The following CDC73 variants were observed in gnomAD, a reference collection of about 807,000 sequenced individuals.
CDC73 encodes cell division cycle 73, also known as parafibromin.
A neutral mutation model predicts 83.7 loss-of-function variants in CDC73; 21 were observed. The observed-to-expected ratio is 0.25, with a 90% CI of 0.18 to 0.36. The LOEUF (loss-of-function observed/expected upper bound fraction) is 0.36. CDC73 is among the 10% of genes least tolerant of loss of function. CDC73 has a pLI of 1.00. For missense variants in CDC73, 342 were observed against 653.3 expected, an observed-to-expected ratio of 0.52 and a Z score of 5.19; for synonymous variants, 224 against 212.9, an observed-to-expected ratio of 1.05 and a Z score of -0.45.
chr1:193,191,600 G>A (rs539930741), intron 10 of CDC73, among the ~76,000 whole-genome samples: 2 of 152,038 alleles, frequency 1.3e-5, no homozygotes, highest in African/African-American at 4.8e-5. Flanking sequence ...GTTGCAGGCT[G>A]GTCTCAAACT....
chr1:193,184,428 A>C (rs1676771092), intron 10 of CDC73, among the ~76,000 whole-genome samples: 1 of 151,950 alleles, frequency 6.6e-6, no homozygotes, highest in Non-Finnish European at 1.5e-5. Flanking sequence ...ATAGTTCTGC[A>C]CTTTTACATT....
At chr1:193,193,749 C>T (rs533897540) in intron 10 of CDC73, among the ~76,000 whole-genome samples, 12 of 148,950 alleles carry the variant, frequency 8.1e-5, no homozygotes, top group Non-Finnish European at 1.5e-4. Flanking sequence ...GAATTTATAA[C>T]GTTCCAGAAC....
At chr1:193,200,048 G>A (rs929700646) in intron 10 of CDC73, among the ~76,000 whole-genome samples, 4 of 141,096 alleles carry the variant, frequency 2.8e-5, no homozygotes, top group African/African-American at 5.4e-5. Context: ...GCAACATGGC[G>A]AAACCCTGTC....
intron 15 of CDC73, among the ~76,000 whole-genome samples, chr1:193,237,604 C>T (rs938434142): frequency 5.9e-5 from 9 of 151,912 alleles, no homozygotes; most frequent in African/African-American, 1.9e-4. Flanking sequence ...GTAGGGGTGG[C>T]GGGTTGGAGG....
At chr1:193,166,264 C>G (rs1676432734) in intron 10 of CDC73, among the ~76,000 whole-genome samples, 1 of 152,006 alleles carries the variant, frequency 6.6e-6, no homozygotes, top group African/African-American at 2.4e-5. Context: ...ATTTCCTGGG[C>G]TCAATCACTG....
chr1:193,188,980 G>A (rs1460139198), intron 10 of CDC73, among the ~76,000 whole-genome samples: 1 of 148,932 alleles, frequency 6.7e-6, no homozygotes, highest in Non-Finnish European at 1.5e-5. Context: ...TGGAGACAGA[G>A]TTTTGCTCTA....
intron 10 of CDC73, among the ~76,000 whole-genome samples, chr1:193,193,726 A>G (rs969040603): frequency 5.8e-4 from 87 of 150,396 alleles, no homozygotes; most frequent in African/African-American, 2.1e-3. Context: ...CACAGAATTT[A>G]TTACTGTCTC....
chr1:193,171,502 T>C (rs1676517878), intron 10 of CDC73, among the ~76,000 whole-genome samples: 1 of 152,186 alleles, frequency 6.6e-6, no homozygotes, highest in Admixed American at 6.5e-5. Flanking sequence ...CCTGATTGTT[T>C]GCTGGATGTA....
intron 10 of CDC73, among the ~76,000 whole-genome samples, chr1:193,185,337 A>G (rs1676787117): frequency 6.6e-6 from 1 of 152,066 alleles, no homozygotes; most frequent in Non-Finnish European, 1.5e-5. Context: ...ATTCATGGTC[A>G]CTATAATAAC....
chr1:193,177,544 A>G (rs1676630367), intron 10 of CDC73, among the ~76,000 whole-genome samples: 1 of 151,284 alleles, frequency 6.6e-6, no homozygotes, highest in African/African-American at 2.4e-5. Flanking sequence ...AAAAAAAAAA[A>G]AAAGAACATG....
chr1:193,232,954 G>A, intron 13 of CDC73, 39 bp from the exon 14 acceptor site: 1 of 1,543,940 alleles, frequency 6.5e-7, no homozygotes. Context: ...TTCATCACGT[G>A]GAATACATTG....
chr1:193,232,904 A>C (rs2102058123), intron 13 of CDC73, 89 bp from the exon 14 acceptor site: 1 of 1,152,224 alleles, frequency 8.7e-7, no homozygotes, highest in Non-Finnish European at 1.2e-6. Flanking sequence ...CTCTGTCTCA[A>C]AAAAAAAAAA....
chr1:193,222,690 A>T (rs1455586235), intron 13 of CDC73, among the ~76,000 whole-genome samples: 1 of 150,674 alleles, frequency 6.6e-6, no homozygotes, highest in African/African-American at 2.4e-5. Flanking sequence ...TCAGAATTAA[A>T]TCTGCGTATT....
chr1:193,252,964 A>G lies in CDC73; in HGVS notation c.*2252A>G, dbSNP rs1335110018. 4.3e-6 allele frequency: 1 copy of G among 231,682 alleles called. No homozygotes were observed. 14.4% of individuals were successfully genotyped at this position (231,682 alleles called of 1,614,324 possible). ...TGAGAGTACAGAATTACAGGGAATGAAGAGAGGTATAAGTAGATATTTTAA... is the reference window on the plus strand; with the variant it reads ...TGAGAGTACAGAATTACAGGGAATGGAGAGAGGTATAAGTAGATATTTTAA... On this transcript the variant is annotated 3_prime_UTR_variant, in exon 17 of 17. Transcript: ENST00000367435.
In CDC73 at chr1:193,205,208, C is replaced by CCCCCCT. The variant is rs145197340; in HGVS notation, c.1030+1356_1030+1357insCCCCCT. On this transcript the variant is annotated intron_variant, in intron 11 of 16. Transcript: ENST00000367435. Reference sequence around the variant, plus strand: ...CTATACCACCTGTCCCCCCCCCCCCCTTTTTTTTTAAACTCATCAGTGCTG... The same window carrying CCCCCCT: ...CTATACCACCTGTCCCCCCCCCCCCCCCCCCTTTTTTTTTTAAACTCATCAGTGCTG... Among the ~76,000 whole-genome samples the CCCCCCT allele has an allele frequency of 1.6e-4, 13 of 82,492 alleles. 1 individual carries two copies. Among genetic ancestry groups the CCCCCCT allele is most frequent in the African/African-American group, 2.0e-4 (3 of 15,068 alleles). The allele number at this position is 82,492 out of a possible 152,430, so 54.1% of individuals were successfully genotyped here. A position where few individuals can be genotyped will look rare whatever the true frequency, so the allele number is the denominator to read the frequency against.
At chr1:193,178,227 C>T (rs1273258135) in intron 10 of CDC73, among the ~76,000 whole-genome samples, 3 of 151,976 alleles carry the variant, frequency 2.0e-5, no homozygotes, top group Non-Finnish European at 2.9e-5. Flanking sequence ...TTGATCCAGT[C>T]GCCTTTGAGA....
rs145468139 is a variant in CDC73 at position 193,221,974 on chromosome 1, C to A, written c.1154+9497C>A. Among the ~76,000 whole-genome samples the A allele has an allele frequency of 7.1e-4, 108 of 152,082 alleles. 1 individual carries two copies. The highest frequency in any genetic ancestry group is 4.6e-4 in the African/African-American group (19 of 41,496). ...ATCCAACTTGCAAATAGCATAGATT[C>A]TATTTAGTTTTATGTACAACTGAGG... On this transcript the variant is annotated intron_variant, in intron 13 of 16. Transcript: ENST00000367435.
intron 14 of CDC73, among the ~76,000 whole-genome samples, chr1:193,235,404 G>C (rs368421361): frequency 1.3e-5 from 2 of 152,064 alleles, no homozygotes; most frequent in Non-Finnish European, 2.9e-5. Flanking sequence ...CATAAGTAAC[G>C]CATAAAGTCC....
chr1:193,225,619 A>C, intron 13 of CDC73, among the ~76,000 whole-genome samples: 1 of 152,052 alleles, frequency 6.6e-6, no homozygotes, highest in East Asian at 1.9e-4. Flanking sequence ...GTAAGGCAGT[A>C]TTGCATTTTG....
Sources: allele counts gnomAD v4.1 joint callset (sites outside exome capture counted in the v4.1 genomes callset), GRCh38; gene constraint gnomAD v4.1.1; transcripts MANE v1.5; gene names NCBI Gene and HGNC (gene_info 2026-07-23, HGNC 2026-07-21).